Variants in ZNF487 observed in about 807,000 individuals in gnomAD.
ZNF487 encodes KRAB domain only 1.
A neutral mutation model predicts 3.0 loss-of-function variants in ZNF487; 4 were observed. The observed-to-expected ratio is 1.35, with a 90% CI of 0.66 to 3.08. The LOEUF (loss-of-function observed/expected upper bound fraction) is 3.08, where lower values mean the gene tolerates loss of function less well. Ranked by LOEUF, ZNF487 falls within the 30% of genes most tolerant of loss-of-function variation. ZNF487 has a pLI of 0.01. For missense variants in ZNF487, 146 were observed against 98.7 expected (o/e 1.48, Z -2.03); for synonymous variants, 55 against 34.6 (o/e 1.59, Z -2.06).
chr10:43,475,616 CTCT>C (rs2132135646), intron 1 of ZNF487, 102 bp from the exon 2 acceptor site: 1 of 699,880 alleles, frequency 1.4e-6, no homozygotes, highest in South Asian at 1.6e-5. Flanking sequence ...GTAGCATTTT[CTCT>C]TCAACTATCA....
At chr10:43,445,176 A>T (rs1839753129) in intron 1 of ZNF487, among the ~76,000 whole-genome samples, 1 of 149,680 alleles carries the variant, frequency 6.7e-6, no homozygotes, top group Non-Finnish European at 1.5e-5. Flanking sequence ...TTCTTTAGAG[A>T]CGAGATCTTA....
chr10:43,493,709 A>ATAT, the ZNF487 span, among the ~76,000 whole-genome samples: 2 of 43,662 alleles, frequency 4.6e-5, no homozygotes, highest in African/African-American at 1.7e-4. Flanking sequence ...AAAAAAAAAA[A>ATAT]ATATATATAT....
At chr10:43,452,431 G>A (rs534946451) in intron 1 of ZNF487, 1 of 152,220 alleles carries the variant, frequency 6.6e-6, no homozygotes, top group Non-Finnish European at 1.5e-5. Flanking sequence ...TGGAGACAGG[G>A]TCTTGTGTCA....
Position 43,482,061 on chromosome 10 carries a change from CA to C in ZNF487, c.*140del, listed in dbSNP as rs1386558245. The C allele has an allele frequency of 2.4e-5, 14 of 580,478 alleles. No individual in the cohort carries two copies. Among genetic ancestry groups the C allele is most frequent in the Non-Finnish European group, 2.7e-5 (9 of 330,410 alleles). The allele number at this position is 580,478 out of a possible 1,614,324, so 36.0% of individuals were successfully genotyped here. A position where few individuals can be genotyped will look rare whatever the true frequency, so the allele number is the denominator to read the frequency against. On this transcript the variant is annotated 3_prime_UTR_variant, in exon 4 of 4. Coordinates refer to ENST00000437590, the MANE Select transcript of ZNF487 (RefSeq NM_001355444.3). ...AGAGGCCACCTGTAAATAAACACCA[CA>C]GGGTTATGGAGATGAAATACTATGA...
chr10:43,515,951 G>A, the ZNF487 span, among the ~76,000 whole-genome samples: 1 of 151,698 alleles, frequency 6.6e-6, no homozygotes, highest in Non-Finnish European at 1.5e-5. Flanking sequence ...TTTTTTTTGT[G>A]TGTGTGTATT....
chr10:43,494,765 C>CAAAAAAAAAAAAAAA, the ZNF487 span, among the ~76,000 whole-genome samples: 2 of 35,784 alleles, frequency 5.6e-5, no homozygotes, highest in African/African-American at 9.3e-5. Context: ...ACTAAAAATA[C>CAAAAAAAAAAAAAAA]AAAAAAAAAA....
chr10:43,487,069 G>C (rs1841477019), downstream of ZNF487, among the ~76,000 whole-genome samples: 1 of 151,666 alleles, frequency 6.6e-6, no homozygotes, highest in Non-Finnish European at 1.5e-5. Flanking sequence ...TGCCTATTAT[G>C]GGATCTAGGT....
At chr10:43,512,641 C>A in the ZNF487 span, among the ~76,000 whole-genome samples, 33 of 152,304 alleles carry the variant, frequency 2.2e-4, no homozygotes, top group Middle Eastern at 3.4e-3. Flanking sequence ...CCAAACAGCA[C>A]CCTGTCTGTC....
chr10:43,459,807 ATTATTATT>A (rs1434580249), intron 1 of ZNF487, among the ~76,000 whole-genome samples: 2 of 102,618 alleles, frequency 1.9e-5, no homozygotes, highest in African/African-American at 9.3e-5. Context: ...TATTATTATT[ATTATTATT>A]TTCTGAGATG....
At chr10:43,518,453 C>T in the ZNF487 span, among the ~76,000 whole-genome samples, 1 of 152,156 alleles carries the variant, frequency 6.6e-6, no homozygotes, top group Non-Finnish European at 1.5e-5. Context: ...AGACTGTCTT[C>T]ATTGGCCATA....
chr10:43,502,649 T>C, the ZNF487 span, among the ~76,000 whole-genome samples: 1 of 152,180 alleles, frequency 6.6e-6, no homozygotes, highest in African/African-American at 2.4e-5. Context: ...ACATAATACT[T>C]GATGATGACA....
chr10:43,451,394 C>T (rs764255345), intron 1 of ZNF487, among the ~76,000 whole-genome samples: 9 of 144,982 alleles, frequency 6.2e-5, no homozygotes, highest in East Asian at 4.1e-4. Flanking sequence ...TACAGGTGTG[C>T]GCCACCAGGC....
intron 3 of ZNF487, among the ~76,000 whole-genome samples, chr10:43,476,841 T>C (rs1841116821): frequency 6.6e-6 from 1 of 152,162 alleles, no homozygotes; most frequent in African/African-American, 2.4e-5. Flanking sequence ...GAGAGACTGC[T>C]CGCTGAGGTG....
At chr10:43,509,682 C>T in the ZNF487 span, among the ~76,000 whole-genome samples, 12 of 151,972 alleles carry the variant, frequency 7.9e-5, no homozygotes, top group African/African-American at 2.7e-4. Context: ...TCTCTTTTCA[C>T]GTATTTCTGC....
chr10:43,470,644 C>T (rs1840874392), intron 1 of ZNF487, among the ~76,000 whole-genome samples: 1 of 151,832 alleles, frequency 6.6e-6, no homozygotes, highest in Admixed American at 6.6e-5. Flanking sequence ...CTCGGCCTTC[C>T]AAAGTGCTGG....
chr10:43,469,517 A>G (rs543842800), intron 1 of ZNF487, among the ~76,000 whole-genome samples: 13 of 151,898 alleles, frequency 8.6e-5, no homozygotes, highest in Non-Finnish European at 1.8e-4. Flanking sequence ...TATTTTTTTA[A>G]ATAAATAAGA....
At chr10:43,476,000 G>A in intron 2 of ZNF487, 107 bp from the exon 3 acceptor site, 1 of 673,230 alleles carries the variant, frequency 1.5e-6, no homozygotes, top group African/African-American at 1.8e-5. Flanking sequence ...AAGAATATCT[G>A]TGGTGTTTTC....
chr10:43,440,549 T>C (rs1358166154), intron 1 of ZNF487, among the ~76,000 whole-genome samples: 3 of 151,922 alleles, frequency 2.0e-5, no homozygotes, highest in Admixed American at 6.6e-5. Flanking sequence ...TCCCAGCTAC[T>C]TGGGAGGCTG....
At chr10:43,506,624 G>A in the ZNF487 span, among the ~76,000 whole-genome samples, 2 of 152,140 alleles carry the variant, frequency 1.3e-5, no homozygotes, top group African/African-American at 4.8e-5. Context: ...CCTCCTGCAG[G>A]AACTAGGGGA....
Sources: gnomAD v4.1 joint callset for allele counts (sites outside exome capture counted in the v4.1 genomes callset) on GRCh38, gnomAD v4.1.1 for gene constraint, MANE v1.5 for transcripts, NCBI Gene and HGNC (gene_info 2026-07-23, HGNC 2026-07-21) for gene names.